NAA11: variants seen among roughly 807,000 people sequenced by gnomAD.
NAA11 encodes N-alpha-acetyltransferase 11.
Under a neutral mutation model 16.1 loss-of-function variants are expected in NAA11, and 15 were observed. The ratio of observed to expected loss-of-function variants is 0.93; its 90% CI spans 0.62 to 1.44. The LOEUF (loss-of-function observed/expected upper bound fraction) is 1.44, where lower values mean the gene tolerates loss of function less well. Ranked by LOEUF, NAA11 falls within the 40% of genes most tolerant of loss-of-function variation. The pLI is 0.00. For missense variants in NAA11, 298 were observed against 291.3 expected (o/e 1.02, Z -0.17); for synonymous variants, 122 against 112.4 (o/e 1.09, Z -0.54).
chr4:79,217,981 A>C, the NAA11 span, among the ~76,000 whole-genome samples: 1 of 152,144 alleles, frequency 6.6e-6, no homozygotes, highest in Non-Finnish European at 1.5e-5. Flanking sequence ...TGCTTGCCTA[A>C]TTCCTTCCCA....
intron 2 of NAA11, among the ~76,000 whole-genome samples, chr4:79,230,917 T>G (rs1268325798): frequency 6.6e-6 from 1 of 152,012 alleles, no homozygotes; most frequent in Non-Finnish European, 1.5e-5. Flanking sequence ...ACTCCCAAAA[T>G]TTTATTAGAG....
At chr4:79,204,501 T>TCCTGCCTCCCTC in the NAA11 span, among the ~76,000 whole-genome samples, 1 of 151,056 alleles carries the variant, frequency 6.6e-6, no homozygotes, top group Admixed American at 6.6e-5. Flanking sequence ...CCCTCTTTTT[T>TCCTGCCTCCCTC]CCTGCCTCCC....
At chr4:79,201,274 A>C in the NAA11 span, among the ~76,000 whole-genome samples, 23 of 151,616 alleles carry the variant, frequency 1.5e-4, no homozygotes, top group African/African-American at 5.3e-4. Flanking sequence ...TAGTATTACT[A>C]TGTCAAGAAC....
chr4:79,251,150 A>G (rs1192448681), intron 2 of NAA11, among the ~76,000 whole-genome samples: 1 of 152,222 alleles, frequency 6.6e-6, no homozygotes, highest in Non-Finnish European at 1.5e-5. Flanking sequence ...AAAATGAATC[A>G]TTTTACCAAA....
At chr4:79,170,025 G>T in the NAA11 span, among the ~76,000 whole-genome samples, 1 of 152,188 alleles carries the variant, frequency 6.6e-6, no homozygotes. Flanking sequence ...CCCACAAGAG[G>T]TGGATTTATT....
chr4:79,205,893 C>T, the NAA11 span, among the ~76,000 whole-genome samples: 1 of 151,780 alleles, frequency 6.6e-6, no homozygotes, highest in Admixed American at 6.6e-5. Context: ...TATTTTTTGT[C>T]TGCTTTATTG....
chr4:79,222,753 A>C (rs1443189786), downstream of NAA11, among the ~76,000 whole-genome samples: 3 of 151,498 alleles, frequency 2.0e-5, no homozygotes, highest in African/African-American at 7.3e-5. Flanking sequence ...CATCTGACAA[A>C]GGGCTAATAT....
chr4:79,324,835 T>A (rs1300235510), intron 1 of NAA11, among the ~76,000 whole-genome samples: 1 of 152,170 alleles, frequency 6.6e-6, no homozygotes, highest in Non-Finnish European at 1.5e-5. Flanking sequence ...ATTTTATATT[T>A]CTATCATTAT....
chr4:79,224,298 A>G (rs867416207), downstream of NAA11, among the ~76,000 whole-genome samples: 7 of 152,100 alleles, frequency 4.6e-5, no homozygotes, highest in African/African-American at 9.7e-5. Context: ...ACAAAATTCA[A>G]TCCACTACCA....
the NAA11 span, among the ~76,000 whole-genome samples, chr4:79,181,497 G>C: frequency 6.6e-6 from 1 of 152,182 alleles, no homozygotes; most frequent in Non-Finnish European, 1.5e-5. Context: ...GAAAGTTCAA[G>C]GAAGAAATTA....
chr4:79,297,502 CT>C (rs904226512), intron 1 of NAA11, among the ~76,000 whole-genome samples: 1 of 152,218 alleles, frequency 6.6e-6, no homozygotes, highest in African/African-American at 2.4e-5. Flanking sequence ...GAAGGCCCCC[CT>C]GTCCCCTCAG....
intron 2 of NAA11, among the ~76,000 whole-genome samples, chr4:79,266,829 C>A (rs1255462186): frequency 6.6e-6 from 1 of 151,892 alleles, no homozygotes; most frequent in Admixed American, 6.6e-5. Flanking sequence ...AAGCAGAGAC[C>A]AAGAGGAAGG....
At chr4:79,160,118 A>G in the NAA11 span, among the ~76,000 whole-genome samples, 9 of 151,632 alleles carry the variant, frequency 5.9e-5, no homozygotes, top group Admixed American at 3.3e-4. Flanking sequence ...CAGCCTCCCA[A>G]GTAGCTGGGA....
At chr4:79,259,980 AG>A in intron 2 of NAA11, among the ~76,000 whole-genome samples, 1 of 152,304 alleles carries the variant, frequency 6.6e-6, no homozygotes, top group African/African-American at 2.4e-5. Context: ...TATTTTTGAG[AG>A]TGCATAGAGT....
chr4:79,324,995 T>G (rs1365742691), intron 1 of NAA11, among the ~76,000 whole-genome samples, 181 bp downstream of exon 1: 1 of 152,182 alleles, frequency 6.6e-6, no homozygotes, highest in Non-Finnish European at 1.5e-5. Flanking sequence ...CTATTTAACT[T>G]CCAATAGCGT....
At chr4:79,272,998 CT>C (rs1279155684) in intron 2 of NAA11, among the ~76,000 whole-genome samples, 1 of 151,850 alleles carries the variant, frequency 6.6e-6, no homozygotes, top group Admixed American at 6.6e-5. Context: ...GTAGTAAGGG[CT>C]CTTACATGGC....
chr4:79,201,361 G>C, the NAA11 span, among the ~76,000 whole-genome samples: 1 of 151,654 alleles, frequency 6.6e-6, no homozygotes, highest in Non-Finnish European at 1.5e-5. Context: ...TGTACCAGCA[G>C]TAAATGAGAT....
At chr4:79,171,635 G>A in the NAA11 span, among the ~76,000 whole-genome samples, 17 of 152,290 alleles carry the variant, frequency 1.1e-4, no homozygotes, top group African/African-American at 3.1e-4. Flanking sequence ...AATGAAGCCA[G>A]GGATTATTTC....
chr4:79,287,370 G>C (rs1037742561), intron 2 of NAA11, among the ~76,000 whole-genome samples: 3 of 152,026 alleles, frequency 2.0e-5, no homozygotes, highest in Non-Finnish European at 4.4e-5. Context: ...ATCATAAATA[G>C]TGTTCATCTG....
Sources: allele counts gnomAD v4.1 joint callset (sites outside exome capture counted in the v4.1 genomes callset), GRCh38; gene constraint gnomAD v4.1.1; transcripts MANE v1.5; gene names NCBI Gene and HGNC (gene_info 2026-07-23, HGNC 2026-07-21).